Variants in BLTP1 observed in about 807,000 individuals in gnomAD.
The protein encoded by BLTP1 is bridge-like lipid transfer protein family member 1, also known as fragile site-associated protein.
the BLTP1 span, chr4:122,167,872 C>T: frequency 1.7e-5 from 17 of 985,384 alleles, no homozygotes; most frequent in Non-Finnish European, 1.9e-5. Context: ...GAAGAGGAAA[C>T]AACCAGTTTG....
At chr4:122,220,178 G>A in the BLTP1 span, 1 of 349,776 alleles carries the variant, frequency 2.9e-6, no homozygotes, top group Non-Finnish European at 4.0e-6. Flanking sequence ...CGATCCTACT[G>A]AGGTACAGAA....
At chr4:122,165,722 T>C in the BLTP1 span, among the ~76,000 whole-genome samples, 2 of 128,924 alleles carry the variant, frequency 1.6e-5, no homozygotes, top group Admixed American at 8.6e-5. Context: ...CTCCACATGC[T>C]CTCCAGCACC....
the BLTP1 span, among the ~76,000 whole-genome samples, chr4:122,233,264 A>G: frequency 6.6e-6 from 1 of 152,254 alleles, no homozygotes; most frequent in African/African-American, 2.4e-5. Flanking sequence ...TAACTTGTGT[A>G]GTCCACATTT....
the BLTP1 span, chr4:122,327,959 C>A: frequency 1.8e-6 from 1 of 552,422 alleles, no homozygotes; most frequent in Non-Finnish European, 2.8e-6. Context: ...TGTACTATTT[C>A]ATATGTTCAT....
the BLTP1 span, among the ~76,000 whole-genome samples, chr4:122,285,756 C>T: frequency 6.6e-6 from 1 of 152,028 alleles, no homozygotes; most frequent in Non-Finnish European, 1.5e-5. Context: ...AGAAGAATAT[C>T]AGTAGATTTT....
At chr4:122,262,635 A>C in the BLTP1 span, 2 of 1,074,846 alleles carry the variant, frequency 1.9e-6, no homozygotes, top group Non-Finnish European at 2.6e-6. Flanking sequence ...CCTAGTATAC[A>C]TGATCAGTTT....
At chr4:122,190,523 A>C in the BLTP1 span, 1 of 781,582 alleles carries the variant, frequency 1.3e-6, no homozygotes, top group Non-Finnish European at 1.6e-6. Flanking sequence ...AAGAGTGAAA[A>C]TATCTGAAAA....
At chr4:122,307,621 C>T in the BLTP1 span, 4 of 985,090 alleles carry the variant, frequency 4.1e-6, no homozygotes, top group Non-Finnish European at 4.8e-6. Context: ...TGAAGTTAAG[C>T]ACCATGTCTG....
the BLTP1 span, chr4:122,227,644 T>C: frequency 9.4e-6 from 2 of 213,656 alleles, no homozygotes; most frequent in African/African-American, 4.7e-5. Context: ...TTTGCTGTTA[T>C]ATTACTGTGA....
the BLTP1 span, chr4:122,174,657 C>T: frequency 2.5e-6 from 4 of 1,569,608 alleles, no homozygotes; most frequent in Non-Finnish European, 3.5e-6. Context: ...TATTAGGTAA[C>T]AAAATTAAAA....
chr4:122,354,093 A>G, the BLTP1 span: 1 of 1,268,154 alleles, frequency 7.9e-7, no homozygotes, highest in South Asian at 1.3e-5. Flanking sequence ...TTTAGAATTT[A>G]AATGGAGATG....
chr4:122,357,024 A>G, the BLTP1 span: 1 of 984,062 alleles, frequency 1.0e-6, no homozygotes. Flanking sequence ...ATTCTTGAAA[A>G]ATAGGAAAAT....
At chr4:122,164,781 A>T in the BLTP1 span, among the ~76,000 whole-genome samples, 639 of 152,016 alleles carry the variant, frequency 4.2e-3, 2 homozygotes, top group African/African-American at 0.014. Context: ...GCATTAAAAT[A>T]TAAAGTAATC....
At chr4:122,257,845 A>G in the BLTP1 span, among the ~76,000 whole-genome samples, 5 of 152,192 alleles carry the variant, frequency 3.3e-5, no homozygotes, top group African/African-American at 1.2e-4. Flanking sequence ...ACCTGATTTT[A>G]TAAGTTCAGT....
chr4:122,158,695 C>T, the BLTP1 span, among the ~76,000 whole-genome samples: 2 of 152,088 alleles, frequency 1.3e-5, no homozygotes, highest in South Asian at 4.1e-4. Context: ...GGCGTGAACC[C>T]AGGAGGAGGG....
the BLTP1 span, chr4:122,263,254 C>G: frequency 1.0e-6 from 1 of 984,364 alleles, no homozygotes. Context: ...TAGAATTTCC[C>G]CTGTTATAAT....
chr4:122,353,699 A>AT, the BLTP1 span: 1 of 1,239,668 alleles, frequency 8.1e-7, no homozygotes, highest in Non-Finnish European at 1.1e-6. The surrounding 1 kb of genome is among the most constrained non-coding windows in gnomAD (Gnocchi z 4.3). Flanking sequence ...TTTATTCTTC[A>AT]TTTTTATAGC....
the BLTP1 span, chr4:122,301,409 A>G: frequency 7.4e-6 from 11 of 1,484,618 alleles, no homozygotes; most frequent in African/African-American, 1.0e-4. Flanking sequence ...TAACATAAAT[A>G]TAATGATACT....
At chr4:122,262,659 C>T in the BLTP1 span, 1 of 1,362,570 alleles carries the variant, frequency 7.3e-7, no homozygotes, top group Non-Finnish European at 9.9e-7. Flanking sequence ...TATTAATGTG[C>T]AAAGTAGCTA....
Sources: gnomAD v4.1 joint callset for allele counts (sites outside exome capture counted in the v4.1 genomes callset) on GRCh38, gnomAD v4.1.1 for gene constraint, Gnocchi (gnomAD v3.1) non-coding constraint, MANE v1.5 for transcripts, NCBI Gene and HGNC (gene_info 2026-07-23, HGNC 2026-07-21) for gene names.